DHDDS: variants seen among roughly 807,000 people sequenced by gnomAD.
The protein encoded by DHDDS is dehydrodolichyl diphosphate synthase complex subunit DHDDS.
Under a neutral mutation model 46.2 loss-of-function variants are expected in DHDDS, and 16 were observed. That is an observed-to-expected ratio of 0.35 (90% CI 0.23 to 0.53). The LOEUF (loss-of-function observed/expected upper bound fraction) is 0.53. Ranked by LOEUF, DHDDS falls within the 20% of genes least tolerant of loss-of-function variation. The pLI is 0.94. For synonymous variants in DHDDS, 151 were observed against 163.1 expected (o/e 0.93, Z 0.56); for missense variants, 340 against 423.7 (o/e 0.80, Z 1.73).
At chr1:26,454,198 C>A (rs1055329949) in intron 6 of DHDDS, among the ~76,000 whole-genome samples, 5 of 152,136 alleles carry the variant, frequency 3.3e-5, no homozygotes, top group African/African-American at 1.2e-4. Flanking sequence ...CATGATCTGC[C>A]CGCCTCGGCC....
Position 26,442,890 on chromosome 1 carries a change from G to A in DHDDS, c.323+17G>A. ...GGAAGAAAAGTAAGATGCTATCAGA[G>A]GGGAGAGCATGTTCTTCCACCACCC... On this transcript the variant is annotated intron_variant, in intron 4 of 8. Coordinates refer to ENST00000236342, the MANE Select transcript of DHDDS (RefSeq NM_205861.3). The A allele has an allele frequency of 6.2e-7, 1 of 1,613,844 alleles. No homozygotes were observed. The highest frequency in any genetic ancestry group is 8.5e-7 in the Non-Finnish European group (1 of 1,179,932).
intron 6 of DHDDS, among the ~76,000 whole-genome samples, chr1:26,450,209 G>A (rs1341982264): frequency 6.6e-6 from 1 of 152,228 alleles, no homozygotes; most frequent in African/African-American, 2.4e-5. Context: ...GGGCTGGAGT[G>A]CAGTGGGGCA....
At position 26,452,076 on chromosome 1, in the gene DHDDS, C is replaced by T. The variant is rs142743906; in HGVS notation, c.542+4416C>T. ...TCGTTTTGTTTTTGAGACAGGGTTT[C>T]ACTCTGTTGCTGAGGCTGAAGTGCA... On this transcript the variant is annotated intron_variant, in intron 6 of 8. Transcript: ENST00000236342. 2.4e-3 allele frequency among the ~76,000 whole-genome samples: 362 copies of T among 151,884 alleles called. 1 individual carries two copies. Among genetic ancestry groups the T allele is most frequent in the African/African-American group, 3.8e-3 (158 of 41,416 alleles).
chr1:26,446,112 A>G (rs565647716), intron 4 of DHDDS, among the ~76,000 whole-genome samples: 2 of 152,336 alleles, frequency 1.3e-5, no homozygotes, highest in African/African-American at 4.8e-5. Flanking sequence ...GGCAGTCCCT[A>G]TCTGACTGTC....
At chr1:26,467,164 C>G in intron 8 of DHDDS, 1 of 366,152 alleles carries the variant, frequency 2.7e-6, no homozygotes, top group Non-Finnish European at 5.9e-6. Context: ...AACTGCATGA[C>G]CCTTACCACA....
chr1:26,468,156 T>C (rs947001267), intron 8 of DHDDS, among the ~76,000 whole-genome samples: 2 of 152,222 alleles, frequency 1.3e-5, no homozygotes, highest in East Asian at 1.9e-4. Context: ...TTGTGAACAC[T>C]AACACTTATT....
At chr1:26,468,800 G>GGC in intron 8 of DHDDS, 95 bp from the exon 9 acceptor site, 1 of 1,404,496 alleles carries the variant, frequency 7.1e-7, no homozygotes, top group South Asian at 1.3e-5. Context: ...ACTTCACTTG[G>GGC]CCCACCCTGT....
chr1:26,469,442 A>G lies in DHDDS; in HGVS notation c.*311A>G. 1 of 473,350 alleles carries G rather than the reference A, an allele frequency of 2.1e-6. No individual in the cohort carries two copies. Among genetic ancestry groups the G allele is most frequent in the Non-Finnish European group, 3.9e-6 (1 of 255,714 alleles). 29.3% of individuals were successfully genotyped at this position (473,350 alleles called of 1,614,324 possible). On this transcript the variant is annotated 3_prime_UTR_variant, in exon 9 of 9. Coordinates refer to ENST00000236342, the MANE Select transcript of DHDDS (RefSeq NM_205861.3). ...TCTCTTAGATGCACTTTCTTTTTCC[A>G]CCAGCACATCCTTCAACACACAGAA... is the stretch of plus-strand genomic sequence containing the variant.
chr1:26,456,048 C>T (rs2075367391), intron 6 of DHDDS, among the ~76,000 whole-genome samples: 1 of 152,158 alleles, frequency 6.6e-6, no homozygotes, highest in Non-Finnish European at 1.5e-5. Flanking sequence ...AATGCTTCCA[C>T]TCACCAGTTT....
chr1:26,438,749 AG>A (rs2075187223), intron 3 of DHDDS: 1 of 176,028 alleles, frequency 5.7e-6, no homozygotes, highest in African/African-American at 2.4e-5. Flanking sequence ...ACATTAACAA[AG>A]AAGTAATCAT....
At chr1:26,442,931 C>A in intron 4 of DHDDS, 58 bp downstream of exon 4, 1 of 1,612,220 alleles carries the variant, frequency 6.2e-7, no homozygotes, top group Non-Finnish European at 8.5e-7. Context: ...CTTATCCTAA[C>A]CCTTGAAATT....
rs2075544125 is a variant in DHDDS, at chr1:26,470,539, C to T, written c.*1408C>T. The T allele has an allele frequency of 6.6e-6, 1 of 152,218 alleles. No individual in the cohort carries two copies. The highest frequency in any genetic ancestry group is 2.4e-5 in the African/African-American group (1 of 41,394). 9.4% of individuals were successfully genotyped at this position (152,218 alleles called of 1,614,324 possible). A position where few individuals can be genotyped will look rare whatever the true frequency, so the allele number is the denominator to read the frequency against. ...GTTGTAGCAAGAGCACACAGGAAAC[C>T]CCTAACTTTCCTATACCCCACCCGC... On this transcript the variant is annotated 3_prime_UTR_variant, in exon 9 of 9. Transcript: ENST00000236342.
intron 6 of DHDDS, among the ~76,000 whole-genome samples, chr1:26,457,246 G>A (rs1168141941): frequency 1.3e-5 from 2 of 150,892 alleles, no homozygotes; most frequent in Non-Finnish European, 2.9e-5. Flanking sequence ...GGATCACGAG[G>A]TCAGGAGATC....
At chr1:26,438,046 A>G in intron 2 of DHDDS, 122 bp from the exon 3 acceptor site, 1 of 957,392 alleles carries the variant, frequency 1.0e-6, no homozygotes, top group Non-Finnish European at 1.7e-6. Context: ...AGCACAAAGT[A>G]CCCAATTCCC....
intron 6 of DHDDS, among the ~76,000 whole-genome samples, chr1:26,451,891 G>A (rs1490091350): frequency 6.6e-6 from 1 of 151,630 alleles, no homozygotes; most frequent in Non-Finnish European, 1.5e-5. Context: ...GCCTCCCAAA[G>A]TGCTGGGATC....
intron 7 of DHDDS, among the ~76,000 whole-genome samples, chr1:26,458,737 C>CA (rs11381495): frequency 0.36 from 25,539 of 70,968 alleles, 3,087 homozygotes; most frequent in Admixed American, 0.44. Context: ...GACTCTGTCG[C>CA]AAAAAAAAAA....
Position 26,432,969 on chromosome 1 carries a change from G to A in DHDDS, c.24G>A (p.Glu8=). The A allele has an allele frequency of 1.2e-6, 2 of 1,614,214 alleles. No homozygotes were observed. The highest frequency in any genetic ancestry group is 1.7e-6 in the Non-Finnish European group (2 of 1,180,028). Residue 8 remains glutamate (E), a synonymous_variant, in exon 2 of 9, where the codon GAG becomes GAA. Coordinates refer to ENST00000236342, the MANE Select transcript of DHDDS (RefSeq NM_205861.3). ...CTATGTCATGGATCAAGGAAGGAGAGCTGTCACTTTGGGAGCGGTTCTGTG... is the reference window on the plus strand; with the variant it reads ...CTATGTCATGGATCAAGGAAGGAGAACTGTCACTTTGGGAGCGGTTCTGTG... MSWIKEG[E]LSLWERFCAN... is the part of the protein sequence containing the mutation.
chr1:26,433,375 C>T (rs1371076091), intron 2 of DHDDS, among the ~76,000 whole-genome samples: 2 of 152,072 alleles, frequency 1.3e-5, no homozygotes, highest in Admixed American at 6.6e-5. Context: ...TAGAGCTGGG[C>T]CCGGTCACTC....
chr1:26,461,030 T>C (rs1164079478), intron 8 of DHDDS, among the ~76,000 whole-genome samples: 2 of 151,988 alleles, frequency 1.3e-5, no homozygotes. Context: ...CACGCCACCA[T>C]GCCTGGCTAA....
Sources: allele counts gnomAD v4.1 joint callset (sites outside exome capture counted in the v4.1 genomes callset), GRCh38; gene constraint gnomAD v4.1.1; transcripts MANE v1.5; gene names NCBI Gene and HGNC (gene_info 2026-07-23, HGNC 2026-07-21).